SBF1: variants seen among roughly 807,000 people sequenced by gnomAD.
The protein encoded by SBF1 is myotubularin-related protein 5.
Under a neutral mutation model 215.8 loss-of-function variants are expected in SBF1, and 65 were observed. That is an observed-to-expected ratio of 0.30 (90% CI 0.25 to 0.37). The LOEUF is 0.37. Among genes scored for constraint, SBF1 ranks in the 10% least tolerant of loss-of-function variants. The pLI is 1.00. For missense variants in SBF1, 2,634 were observed against 2,667.8 expected (o/e 0.99, Z 0.28); for synonymous variants, 1,410 against 1,122.8 (o/e 1.26, Z -5.11).
Position 50,446,830 on chromosome 22 carries a change from G to A in SBF1, c.*312C>T. 1 of 704,020 alleles carries A rather than the reference G, an allele frequency of 1.4e-6. No homozygotes were observed. The highest frequency in any genetic ancestry group is 2.6e-6 in the Non-Finnish European group (1 of 379,664). The allele number at this position is 704,020 out of a possible 1,614,324, so 43.6% of individuals were successfully genotyped here. A position where few individuals can be genotyped will look rare whatever the true frequency, so the allele number is the denominator to read the frequency against. On this transcript the variant is annotated 3_prime_UTR_variant, in exon 41 of 41. Transcript: ENST00000380817. ...GTGGCGTTAGTTCTCTCTTTATATAGACTCTGGTTCTAGAAACTCGCCTGC... is the reference window on the plus strand; with the variant it reads ...GTGGCGTTAGTTCTCTCTTTATATAAACTCTGGTTCTAGAAACTCGCCTGC...
Position 50,465,821 on chromosome 22 carries a change from T to G in SBF1, c.1031A>C (p.Glu344Ala), listed in dbSNP as rs368521040. ...VLSMVLDPELELADLAFPPPT... is the reference protein window; with the variant it reads ...VLSMVLDPELALADLAFPPPT... ...CGGAGGGAAGGCGAGGTCAGCCAAC[T>G]CCAGCTCCGGGTCCAGGACCTGCCA... The change falls in exon 10 of 41, where the codon GAG becomes GCG. Residue 344 changes from glutamate to alanine, a missense_variant. Coordinates refer to ENST00000380817, the MANE Select transcript of SBF1 (RefSeq NM_002972.4). 301 of 1,612,458 alleles carry G rather than the reference T, an allele frequency of 1.9e-4. No homozygotes were observed. The highest frequency in any genetic ancestry group is 2.3e-4 in the Non-Finnish European group (270 of 1,179,654).
Position 50,454,845 on chromosome 22 carries a change from T to C in SBF1, c.4781A>G (p.His1594Arg). The C allele has an allele frequency of 6.2e-7, 1 of 1,614,040 alleles. No individual in the cohort carries two copies. The highest frequency in any genetic ancestry group is 8.5e-7 in the Non-Finnish European group (1 of 1,180,000). Residue 1594 changes from histidine to arginine, a missense_variant, in exon 35 of 41, where the codon CAC becomes CGC. Transcript: ENST00000380817. ...GTCCTCGGGCGCATACATGTAATTGTGGAACACAGGCGTCCTCTTGCTCAG... is the reference window on the plus strand; with the variant it reads ...GTCCTCGGGCGCATACATGTAATTGCGGAACACAGGCGTCCTCTTGCTCAG... ...DRLSKRTPVF[H>R]NYMYAPEDAE...
At chr22:50,455,609 T>A (rs1271279067) in intron 31 of SBF1, 27 bp from the exon 32 acceptor site, 11 of 1,545,608 alleles carry the variant, frequency 7.1e-6, no homozygotes, top group Non-Finnish European at 7.0e-6. Context: ...CCTCAGCACC[T>A]CGGGGACCCA....
chr22:50,460,214 C>CT (rs1569511688), intron 25 of SBF1, 55 bp from the exon 26 acceptor site: 18 of 1,601,562 alleles, frequency 1.1e-5, no homozygotes, highest in Non-Finnish European at 1.5e-5. Context: ...TGCCCTGATC[C>CT]TCCCTGGCCA....
At chr22:50,472,724 C>A (rs1285236130) in intron 1 of SBF1, among the ~76,000 whole-genome samples, 1 of 152,202 alleles carries the variant, frequency 6.6e-6, no homozygotes, top group Admixed American at 6.5e-5. Flanking sequence ...CCACGCCACA[C>A]TCCTCTGCTT....
At chr22:50,459,930 G>A in intron 26 of SBF1, 22 bp downstream of exon 26, 1 of 1,612,242 alleles carries the variant, frequency 6.2e-7, no homozygotes, top group East Asian at 2.2e-5. Context: ...CACCACCCGG[G>A]CCAGCCCTGG....
rs1254876266 is a variant in SBF1, at chr22:50,468,585, C to G, written c.56-124G>C. ...TCATCTGGCACCAGATCAGCCACAG[C>G]TCCCTAAAAATAGCTCCGTATGGAG... On this transcript the variant is annotated intron_variant, in intron 1 of 40. Transcript: ENST00000380817. 8 of 654,898 alleles carry G rather than the reference C, an allele frequency of 1.2e-5. No individual in the cohort carries two copies. The South Asian group carries it at 1.4e-4, about 11-fold the overall frequency. The allele number at this position is 654,898 out of a possible 1,614,324, so 40.6% of individuals were successfully genotyped here. A position where few individuals can be genotyped will look rare whatever the true frequency, so the allele number is the denominator to read the frequency against.
At chr22:50,470,356 C>T (rs956903171) in intron 1 of SBF1, among the ~76,000 whole-genome samples, 1 of 152,182 alleles carries the variant, frequency 6.6e-6, no homozygotes, top group Non-Finnish European at 1.5e-5. Flanking sequence ...TGGCAGGTCA[C>T]CATCTACCTT....
chr22:50,463,264 G>A lies in SBF1; in HGVS notation c.1899+19C>T, dbSNP rs566322747. ...TCATGCGCCATGAGCCATGTCACTA[G>A]CAGGATAAGAGGCCTCACCTGCAGG... is the stretch of plus-strand genomic sequence containing the variant. On this transcript the variant is annotated intron_variant, in intron 16 of 40. Coordinates refer to ENST00000380817, the MANE Select transcript of SBF1 (RefSeq NM_002972.4). The A allele has an allele frequency of 3.1e-6, 5 of 1,612,840 alleles. No individual in the cohort carries two copies. In the East Asian group the frequency reaches 6.7e-5, roughly 22 times the overall value.
chr22:50,463,662 C>A (rs1169530572), intron 15 of SBF1, among the ~76,000 whole-genome samples: 1 of 152,260 alleles, frequency 6.6e-6, no homozygotes, highest in African/African-American at 2.4e-5. Context: ...CACCTGTGAG[C>A]TGGCAGGGAG....
At chr22:50,474,718 A>T (rs1458652285) in intron 1 of SBF1, 68 bp downstream of exon 1, 1 of 1,271,420 alleles carries the variant, frequency 7.9e-7, no homozygotes, top group Non-Finnish European at 1.0e-6. Context: ...CGACCCTCAG[A>T]CCCAGCCCCT....
At chr22:50,456,760 G>A (rs967357117) in intron 29 of SBF1, 87 bp from the exon 30 acceptor site, 4 of 1,213,442 alleles carry the variant, frequency 3.3e-6, no homozygotes, top group African/African-American at 1.5e-5. Flanking sequence ...CAGGGAGGGG[G>A]CTGAGCTCCC....
Position 50,474,981 on chromosome 22 carries a change from G to T in SBF1, c.-141C>A. 2.8e-6 allele frequency: 1 copy of T among 356,434 alleles called. No homozygotes were observed. Among genetic ancestry groups the T allele is most frequent in the Non-Finnish European group, 4.1e-6 (1 of 243,876 alleles). 22.1% of individuals were successfully genotyped at this position (356,434 alleles called of 1,614,324 possible). A position where few individuals can be genotyped will look rare whatever the true frequency, so the allele number is the denominator to read the frequency against. Reference sequence around the variant, plus strand: ...GGTTCGCTCCGCGGCGGCGGCGGCGGCGGCGGCGGCGGCCCAGGTTCCCGC... The same window carrying T: ...GGTTCGCTCCGCGGCGGCGGCGGCGTCGGCGGCGGCGGCCCAGGTTCCCGC... On this transcript the variant is annotated 5_prime_UTR_variant, in exon 1 of 41. Coordinates refer to ENST00000380817, the MANE Select transcript of SBF1 (RefSeq NM_002972.4).
chr22:50,448,479 G>A lies in SBF1; in HGVS notation c.5152-35C>T, dbSNP rs746279946. The A allele has an allele frequency of 3.1e-6, 5 of 1,609,428 alleles. No homozygotes were observed. In the Admixed American group the frequency reaches 8.3e-5, roughly 27 times the overall value. On this transcript the variant is annotated intron_variant, in intron 37 of 40. Transcript: ENST00000380817. The stretch of plus-strand genomic sequence containing the variant: ...GGAGGTTGGGACTTGGGTCAGGGCT[G>A]GACAGACTCCACTTTCTCCCAGCAA...
intron 15 of SBF1, among the ~76,000 whole-genome samples, chr22:50,463,941 G>C (rs1290081121): frequency 1.3e-5 from 2 of 152,244 alleles, no homozygotes. Flanking sequence ...GGAGCAAAAA[G>C]CTCTGTTTCC....
chr22:50,458,350 A>G (rs1442639567), intron 28 of SBF1, among the ~76,000 whole-genome samples: 1 of 150,774 alleles, frequency 6.6e-6, no homozygotes, highest in African/African-American at 2.4e-5. Context: ...AGAAGCCACG[A>G]CTACAGCTGA....
Position 50,455,079 on chromosome 22 carries a change from G to A in SBF1, c.4618C>T (p.His1540Tyr). Reference sequence around the variant, plus strand: ...GTCCGGAAACGGCGGGACACATGGTGGTAGCCGAGGAACTTGAGGTAGAAC... The same window carrying A: ...GTCCGGAAACGGCGGGACACATGGTAGTAGCCGAGGAACTTGAGGTAGAAC... ...SQFYLKFLGY[H>Y]HVSRRFRTFL... The change falls in exon 34 of 41, where the codon CAC (histidine) becomes TAC (tyrosine). Residue 1540 changes from histidine (H) to tyrosine (Y), a missense_variant. Transcript: ENST00000380817. 6.2e-7 allele frequency: 1 copy of A among 1,614,106 alleles called. No homozygotes were observed. The highest frequency in any genetic ancestry group is 1.1e-5 in the South Asian group (1 of 91,080).
Position 50,467,635 on chromosome 22 carries a change from C to G in SBF1, c.335G>C (p.Gly112Ala). 6.2e-7 allele frequency: 1 copy of G among 1,614,050 alleles called. No individual in the cohort carries two copies. Among genetic ancestry groups the G allele is most frequent in the Non-Finnish European group, 8.5e-7 (1 of 1,179,990 alleles). Residue 112 changes from glycine to alanine, a missense_variant, in exon 4 of 41, where the codon GGC becomes GCC. By Grantham distance (60) the Gly-to-Ala change is moderately conservative. Transcript: ENST00000380817. ...TGCTGTGGGAGACAGGTGGGTCTGG[C>G]CTCCCTCATCCCCCTCTTCCTCCCT... ...TEREEEGDEGGQTHLSPTAPA... is the reference protein window; with the variant it reads ...TEREEEGDEGAQTHLSPTAPA...
rs770982881 is a variant in SBF1, at chr22:50,461,301, G to A, written c.2840-15C>T. 2 of 1,583,856 alleles carry A rather than the reference G, an allele frequency of 1.3e-6. No homozygotes were observed. The highest frequency in any genetic ancestry group is 1.1e-5 in the South Asian group (1 of 89,160). On this transcript the variant is annotated splice_polypyrimidine_tract_variant and intron_variant, in intron 22 of 40. Coordinates refer to ENST00000380817, the MANE Select transcript of SBF1 (RefSeq NM_002972.4). Reference sequence around the variant, plus strand: ...CTGCTCCCCAACTTAGGACAGGCCAGGCAGAGTCAGAAGCAAGGAAGGTAA... The same window carrying A: ...CTGCTCCCCAACTTAGGACAGGCCAAGCAGAGTCAGAAGCAAGGAAGGTAA...
Sources: gnomAD v4.1 joint callset for allele counts (sites outside exome capture counted in the v4.1 genomes callset) on GRCh38, gnomAD v4.1.1 for gene constraint, MANE v1.5 for transcripts, NCBI Gene and HGNC (gene_info 2026-07-23, HGNC 2026-07-21) for gene names.